The following SORCS2 variants were observed in gnomAD, a reference collection of about 807,000 sequenced individuals.
SORCS2 encodes the protein VPS10 domain-containing receptor SorCS2.
A neutral mutation model predicts 141.6 loss-of-function variants in SORCS2; 100 were observed. That is an observed-to-expected ratio of 0.71 (90% CI 0.60 to 0.83). The LOEUF (loss-of-function observed/expected upper bound fraction) is 0.83, where lower values mean the gene tolerates loss of function less well. Ranked by LOEUF, SORCS2 falls within the 40% of genes least tolerant of loss-of-function variation. The probability of loss-of-function intolerance (pLI) is 0.00; values close to 1 mark genes in which losing one functional copy is unlikely to be tolerated. For synonymous variants in SORCS2, 789 were observed against 676.9 expected, an observed-to-expected ratio of 1.17 and a Z score of -2.57; for missense variants, 1,646 against 1,560.2, an observed-to-expected ratio of 1.05 and a Z score of -0.93.
chr4:7,433,863 C>G (rs897156778), intron 2 of SORCS2: 2 of 1,613,790 alleles, frequency 1.2e-6, no homozygotes, highest in Non-Finnish European at 1.7e-6. Context: ...AGGTGTCCAC[C>G]AAGATGATGC....
At chr4:7,314,711 G>C (rs1375090924) in intron 1 of SORCS2, among the ~76,000 whole-genome samples, 1 of 151,726 alleles carries the variant, frequency 6.6e-6, no homozygotes, top group Non-Finnish European at 1.5e-5. Flanking sequence ...GAGCAAGGAG[G>C]GACCAGGTCT....
At chr4:7,225,740 TCTC>T (rs1450551944) in intron 1 of SORCS2, among the ~76,000 whole-genome samples, 1 of 152,082 alleles carries the variant, frequency 6.6e-6, no homozygotes, top group Non-Finnish European at 1.5e-5. Flanking sequence ...CATCTCTCTC[TCTC>T]CTCTTGTGCT....
chr4:7,387,715 T>G (rs1303034804), intron 1 of SORCS2, among the ~76,000 whole-genome samples: 1 of 118,446 alleles, frequency 8.4e-6, no homozygotes, highest in Non-Finnish European at 1.7e-5. Context: ...TGCACACACA[T>G]GCACACACAT....
At chr4:7,452,348 G>T (rs1451567871) in intron 2 of SORCS2, among the ~76,000 whole-genome samples, 3 of 152,070 alleles carry the variant, frequency 2.0e-5, no homozygotes, top group Non-Finnish European at 4.4e-5. Flanking sequence ...CACCACATTG[G>T]CCAGGCTGGT....
At chr4:7,457,501 C>T (rs185564645) in intron 2 of SORCS2, among the ~76,000 whole-genome samples, 19 of 149,544 alleles carry the variant, frequency 1.3e-4, no homozygotes, top group South Asian at 8.5e-4. Context: ...AGGTGTGAGC[C>T]GCAGCCAGAG....
intron 1 of SORCS2, chr4:7,310,564 T>C (rs1718119902): frequency 6.5e-6 from 1 of 154,256 alleles, no homozygotes; most frequent in Non-Finnish European, 1.5e-5. Context: ...CCATACTAGT[T>C]GCCCCATGAG....
intron 1 of SORCS2, among the ~76,000 whole-genome samples, chr4:7,224,309 CAA>C (rs1311980055): frequency 6.6e-6 from 1 of 152,232 alleles, no homozygotes; most frequent in Non-Finnish European, 1.5e-5. Flanking sequence ...AGTGTGAAGA[CAA>C]ATGCACCATT....
intron 16 of SORCS2, 83 bp downstream of exon 16, chr4:7,714,456 G>A: frequency 6.8e-7 from 1 of 1,463,192 alleles, no homozygotes; most frequent in Non-Finnish European, 9.2e-7. Context: ...CTCAGAGTGA[G>A]GGAGGAAGCC....
At chr4:7,433,228 T>G in intron 2 of SORCS2, 1 of 1,292,200 alleles carries the variant, frequency 7.7e-7, no homozygotes, top group Non-Finnish European at 9.9e-7. Flanking sequence ...CCTCAGAGCT[T>G]CAGTTTTTCA....
chr4:7,350,859 C>T (rs1720897412), intron 1 of SORCS2, among the ~76,000 whole-genome samples: 1 of 152,198 alleles, frequency 6.6e-6, no homozygotes, highest in Non-Finnish European at 1.5e-5. Context: ...GGCGGGTCCC[C>T]TTCATCTGTG....
intron 3 of SORCS2, among the ~76,000 whole-genome samples, chr4:7,544,736 C>T (rs1280220315): frequency 1.3e-5 from 2 of 152,238 alleles, no homozygotes; most frequent in Non-Finnish European, 2.9e-5. Context: ...AGGCTCTGAG[C>T]ACCCACAGCT....
intron 25 of SORCS2, among the ~76,000 whole-genome samples, chr4:7,735,058 C>T (rs951871468): frequency 6.6e-6 from 1 of 152,244 alleles, no homozygotes. Context: ...CCTGCAGGGG[C>T]TGGACAACTT....
rs1553813585 is a variant in SORCS2, at chr4:7,741,451, T to TA, written c.*1187_*1188insA. 430 of 102,730 alleles carry TA rather than the reference T, an allele frequency of 4.2e-3. 25 individuals carry two copies. Among genetic ancestry groups the TA allele is most frequent in the African/African-American group, 0.015 (395 of 26,654 alleles). The allele number at this position is 102,730 out of a possible 1,614,324, so 6.4% of individuals were successfully genotyped here. A position where few individuals can be genotyped will look rare whatever the true frequency, so the allele number is the denominator to read the frequency against. Reference sequence around the variant, plus strand: ...GTAAGTCTATAGGAATATAGGGGGGTGGGGGGGTCACCTTTTGCCTTGAAA... The same window carrying TA: ...GTAAGTCTATAGGAATATAGGGGGGTAGGGGGGGTCACCTTTTGCCTTGAAA... On this transcript the variant is annotated 3_prime_UTR_variant, in exon 27 of 27. Coordinates refer to ENST00000507866, the MANE Select transcript of SORCS2 (RefSeq NM_020777.3).
At chr4:7,691,634 A>G (rs1466727491) in intron 11 of SORCS2, among the ~76,000 whole-genome samples, 2 of 152,054 alleles carry the variant, frequency 1.3e-5, no homozygotes, top group African/African-American at 4.8e-5. Context: ...CGAAAATGTG[A>G]CCCATCAGCA....
chr4:7,734,910 T>G (rs1712042423), intron 25 of SORCS2, among the ~76,000 whole-genome samples: 1 of 152,186 alleles, frequency 6.6e-6, no homozygotes, highest in South Asian at 2.1e-4. Flanking sequence ...GGGAGCTGCT[T>G]GTGCCGAGGC....
chr4:7,235,103 G>A (rs1361203527), intron 1 of SORCS2, among the ~76,000 whole-genome samples: 17 of 152,248 alleles, frequency 1.1e-4, no homozygotes, highest in Non-Finnish European at 1.6e-4. Context: ...TCTATCTGGC[G>A]TTCTCCAGTG....
rs771147305 is a variant in SORCS2, at chr4:7,638,454, G to A, written c.775G>A (p.Glu259Lys). The stretch of plus-strand genomic sequence containing the variant: ...GGAAACTCTGATTTTCCACCCTAAG[G>A]AGGAGGACAAGGTCCTCGCCTACAC... ...FVETLIFHPK[E>K]EDKVLAYTKE... Residue 259 changes from glutamate (E) to lysine (K), a missense_variant, in exon 4 of 27, where the codon GAG (glutamate) becomes AAG (lysine). Transcript: ENST00000507866. 1 of 1,611,184 alleles carries A rather than the reference G, an allele frequency of 6.2e-7. No individual in the cohort carries two copies. The highest frequency in any genetic ancestry group is 8.5e-7 in the Non-Finnish European group (1 of 1,178,832).
intron 1 of SORCS2, among the ~76,000 whole-genome samples, chr4:7,256,959 G>A (rs1319602135): frequency 1.3e-5 from 2 of 152,178 alleles, no homozygotes; most frequent in Non-Finnish European, 1.5e-5. Flanking sequence ...AGGTGTCATC[G>A]GTAGAGACTC....
intron 3 of SORCS2, among the ~76,000 whole-genome samples, chr4:7,551,675 A>G (rs937843413): frequency 1.3e-5 from 2 of 152,210 alleles, no homozygotes; most frequent in Non-Finnish European, 2.9e-5. Flanking sequence ...CAGGGCCACA[A>G]GGTGAGGCAT....
Sources: gnomAD v4.1 joint callset for allele counts (sites outside exome capture counted in the v4.1 genomes callset) on GRCh38, gnomAD v4.1.1 for gene constraint, MANE v1.5 for transcripts, NCBI Gene and HGNC (gene_info 2026-07-23, HGNC 2026-07-21) for gene names.